UBE2E2: variants seen among roughly 807,000 people sequenced by gnomAD.
UBE2E2 encodes the protein ubiquitin conjugating enzyme E2 E2.
UBE2E2 carries 6 observed loss-of-function variants against 24.7 expected under a neutral mutation model. The observed-to-expected ratio is 0.24, with a 90% CI of 0.13 to 0.48. The LOEUF (loss-of-function observed/expected upper bound fraction) is 0.48, where lower values mean the gene tolerates loss of function less well. UBE2E2 is among the 20% of genes least tolerant of loss of function. UBE2E2 has a pLI of 0.99. For missense variants in UBE2E2, 169 were observed against 245.0 expected (o/e 0.69, Z 2.07); for synonymous variants, 104 against 83.6 (o/e 1.24, Z -1.33).
At chr3:23,571,280 C>CTTGTTTTTTTTTTTTTTT (rs1696217892) in intron 5 of UBE2E2, among the ~76,000 whole-genome samples, 1 of 29,866 alleles carries the variant, frequency 3.3e-5, no homozygotes, top group Non-Finnish European at 6.6e-5. Context: ...GTGCTCCTTT[C>CTTGTTTTTTTTTTTTTTT]TTTTTTTTTT....
At chr3:23,208,609 T>C (rs1159225215) in intron 1 of UBE2E2, 83 bp from the exon 2 acceptor site, 1 of 1,104,698 alleles carries the variant, frequency 9.1e-7, no homozygotes, top group Non-Finnish European at 1.2e-6. Flanking sequence ...TTTACTTGTT[T>C]TACTTTGAGG....
At chr3:23,499,552 A>T in intron 3 of UBE2E2, 56 bp from the exon 4 acceptor site, 1 of 1,563,088 alleles carries the variant, frequency 6.4e-7, no homozygotes, top group Non-Finnish European at 8.6e-7. Flanking sequence ...AGATTTTGTT[A>T]AATTCCAGCC....
chr3:23,463,707 C>T (rs1263741943), intron 3 of UBE2E2, among the ~76,000 whole-genome samples: 1 of 152,134 alleles, frequency 6.6e-6, no homozygotes, highest in Non-Finnish European at 1.5e-5. Context: ...TGTATTATTT[C>T]TCCTTAATTA....
chr3:23,284,748 A>T (rs181472867), intron 3 of UBE2E2, among the ~76,000 whole-genome samples: 7 of 151,850 alleles, frequency 4.6e-5, no homozygotes, highest in Non-Finnish European at 1.0e-4. Context: ...TGTATAAGAT[A>T]TAGGTACACA....
intron 3 of UBE2E2, among the ~76,000 whole-genome samples, chr3:23,370,280 G>T (rs1045031628): frequency 2.0e-5 from 3 of 151,888 alleles, no homozygotes; most frequent in Non-Finnish European, 4.4e-5. Flanking sequence ...TTGTTATTTT[G>T]AATCACTTTC....
At chr3:23,257,191 A>G (rs1697749164) in intron 3 of UBE2E2, among the ~76,000 whole-genome samples, 1 of 152,172 alleles carries the variant, frequency 6.6e-6, no homozygotes, top group African/African-American at 2.4e-5. Flanking sequence ...CCAAACCTGA[A>G]CTGTAATGGT....
chr3:23,561,067 G>A (rs928990050), intron 5 of UBE2E2, among the ~76,000 whole-genome samples: 33 of 152,122 alleles, frequency 2.2e-4, no homozygotes, highest in Non-Finnish European at 5.9e-5. Context: ...AAGCTCTTTA[G>A]TTTAATTAGA....
At chr3:23,232,883 C>G (rs1697009426) in intron 3 of UBE2E2, among the ~76,000 whole-genome samples, 1 of 152,176 alleles carries the variant, frequency 6.6e-6, no homozygotes, top group South Asian at 2.1e-4. Context: ...GATTTGAGAC[C>G]AACATGCAAG....
intron 3 of UBE2E2, among the ~76,000 whole-genome samples, chr3:23,313,573 C>T (rs1034023928): frequency 6.6e-6 from 1 of 151,658 alleles, no homozygotes; most frequent in Admixed American, 6.6e-5. Flanking sequence ...TTAGTAGAGT[C>T]GGGGTTTCAC....
intron 5 of UBE2E2, chr3:23,534,249 G>A (rs1241181072): frequency 7.1e-6 from 7 of 980,340 alleles, no homozygotes; most frequent in Middle Eastern, 5.2e-4. Context: ...TCTCTCTACA[G>A]ATATTCCTGC....
intron 3 of UBE2E2, among the ~76,000 whole-genome samples, chr3:23,242,414 G>C (rs928802971): frequency 1.7e-5 from 2 of 120,578 alleles, no homozygotes; most frequent in Non-Finnish European, 3.2e-5. Flanking sequence ...ATAGTCATGA[G>C]CAGTCCACAA....
chr3:23,376,758 A>T (rs1221674668), intron 3 of UBE2E2, among the ~76,000 whole-genome samples: 1 of 152,202 alleles, frequency 6.6e-6, no homozygotes, highest in Non-Finnish European at 1.5e-5. Context: ...TGGTCTTTGG[A>T]GAACATGTAG....
At chr3:23,444,026 ATCT>A (rs1419093866) in intron 3 of UBE2E2, among the ~76,000 whole-genome samples, 1 of 147,190 alleles carries the variant, frequency 6.8e-6, no homozygotes, top group Non-Finnish European at 1.5e-5. Flanking sequence ...ATTGATACAC[ATCT>A]TCTATCACTC....
At chr3:23,228,051 G>A (rs1284481437) in intron 3 of UBE2E2, among the ~76,000 whole-genome samples, 2 of 152,082 alleles carry the variant, frequency 1.3e-5, no homozygotes, top group African/African-American at 2.4e-5. Context: ...TCATGTACCT[G>A]TACTTCAAAA....
chr3:23,417,876 T>C (rs1039373851), intron 3 of UBE2E2, among the ~76,000 whole-genome samples: 11 of 152,208 alleles, frequency 7.2e-5, no homozygotes, highest in African/African-American at 2.7e-4. Context: ...AACCACCTAC[T>C]AAAGCCTCAA....
At chr3:23,576,345 G>A (rs1696346907) in intron 5 of UBE2E2, among the ~76,000 whole-genome samples, 2 of 152,188 alleles carry the variant, frequency 1.3e-5, no homozygotes, top group Non-Finnish European at 2.9e-5. Flanking sequence ...CCGGAGGACA[G>A]TGGATCATAG....
At chr3:23,510,297 A>G (rs1430948499) in intron 4 of UBE2E2, among the ~76,000 whole-genome samples, 5 of 152,244 alleles carry the variant, frequency 3.3e-5, no homozygotes. Context: ...GACAGTCAAC[A>G]AAAATTATAA....
intron 3 of UBE2E2, among the ~76,000 whole-genome samples, chr3:23,234,078 C>G (rs767752515): frequency 2.1e-4 from 32 of 152,008 alleles, no homozygotes; most frequent in Admixed American, 3.9e-4. Context: ...GGGGGAAAAG[C>G]TGTTAAACAG....
chr3:23,437,930 G>A (rs1164064618), intron 3 of UBE2E2, among the ~76,000 whole-genome samples: 1 of 152,170 alleles, frequency 6.6e-6, no homozygotes, highest in African/African-American at 2.4e-5. Context: ...CCTCAGTGTG[G>A]GCAGTAAATG....
Sources: gnomAD v4.1 joint callset for allele counts (sites outside exome capture counted in the v4.1 genomes callset) on GRCh38, gnomAD v4.1.1 for gene constraint, MANE v1.5 for transcripts, NCBI Gene and HGNC (gene_info 2026-07-23, HGNC 2026-07-21) for gene names.